Variants in SDK1 observed in about 807,000 individuals in gnomAD.
SDK1 encodes sidekick cell adhesion molecule 1, also known as protein sidekick-1.
A neutral mutation model predicts 245.5 loss-of-function variants in SDK1; 157 were observed. The ratio of observed to expected loss-of-function variants is 0.64; its 90% confidence interval spans 0.56 to 0.73. The LOEUF (loss-of-function observed/expected upper bound fraction) is 0.73, where lower values mean the gene tolerates loss of function less well. Ranked by LOEUF, SDK1 falls within the 30% of genes least tolerant of loss-of-function variation. The pLI is 0.00. For synonymous variants in SDK1, 1,647 were observed against 1,278.5 expected (o/e 1.29, Z -6.15); for missense variants, 3,583 against 3,002.3 (o/e 1.19, Z -4.52).
At chr7:4,169,435 C>T (rs577052786) in intron 32 of SDK1, among the ~76,000 whole-genome samples, 1 of 152,210 alleles carries the variant, frequency 6.6e-6, no homozygotes, top group African/African-American at 2.4e-5. Context: ...AGGCACTGTG[C>T]CCGCCTTGCA....
chr7:4,224,732 G>A, intron 40 of SDK1, among the ~76,000 whole-genome samples: 1 of 152,150 alleles, frequency 6.6e-6, no homozygotes, highest in East Asian at 1.9e-4. Context: ...TGTAATCCCA[G>A]CACTTTGGGA....
At chr7:4,023,385 A>G (rs551127996) in intron 17 of SDK1, among the ~76,000 whole-genome samples, 50 of 152,312 alleles carry the variant, frequency 3.3e-4, no homozygotes, top group Non-Finnish European at 5.1e-4. Flanking sequence ...GTTTCAGCCA[A>G]GTGAACTTTC....
chr7:3,969,466 G>A, intron 11 of SDK1, 42 bp downstream of exon 11: 1 of 1,462,000 alleles, frequency 6.8e-7, no homozygotes, highest in Non-Finnish European at 9.2e-7. Context: ...GTTAGCCACG[G>A]TTTAATCATC....
chr7:3,428,277 A>G (rs1779732610), intron 1 of SDK1, among the ~76,000 whole-genome samples: 1 of 152,202 alleles, frequency 6.6e-6, no homozygotes, highest in African/African-American at 2.4e-5. Context: ...ATTATTGATT[A>G]ATTTATCATA....
At chr7:3,598,468 C>A (rs1386506799) in intron 1 of SDK1, among the ~76,000 whole-genome samples, 1 of 152,016 alleles carries the variant, frequency 6.6e-6, no homozygotes, top group African/African-American at 2.4e-5. Context: ...TCCCGTGTAC[C>A]CATGTAGACT....
At chr7:3,491,738 C>T (rs926347670) in intron 1 of SDK1, among the ~76,000 whole-genome samples, 15 of 152,140 alleles carry the variant, frequency 9.9e-5, no homozygotes, top group African/African-American at 3.1e-4. Flanking sequence ...CCGAGTGTTA[C>T]GGCTTTTTAA....
Position 4,119,563 on chromosome 7 carries a change from A to G in SDK1, c.3823+5289A>G, listed in dbSNP as rs140205423. ...TTACCCTCAGGGAAAACAGTGATCA[A>G]CTCTTCCTGAAATAGTTACATATCA... On this transcript the variant is annotated intron_variant, in intron 25 of 44. Transcript: ENST00000404826. 4.1e-4 allele frequency among the ~76,000 whole-genome samples: 61 copies of G among 148,496 alleles called. 7 individuals are homozygous for G. The highest frequency in any genetic ancestry group is 1.4e-3 in the African/African-American group (56 of 40,696).
At chr7:3,361,368 C>A (rs748514744) in intron 1 of SDK1, among the ~76,000 whole-genome samples, 3 of 152,172 alleles carry the variant, frequency 2.0e-5, no homozygotes, top group Non-Finnish European at 4.4e-5. Flanking sequence ...GTTCCTTGTT[C>A]TTCTATTCCA....
intron 13 of SDK1, among the ~76,000 whole-genome samples, chr7:3,985,134 TG>T (rs1001860507): frequency 6.6e-6 from 1 of 151,716 alleles, no homozygotes; most frequent in African/African-American, 2.4e-5. Flanking sequence ...AGACCCATCC[TG>T]GAAGGATCTT....
intron 4 of SDK1, among the ~76,000 whole-genome samples, chr7:3,668,499 G>A (rs1469616379): frequency 6.6e-6 from 1 of 152,218 alleles, no homozygotes; most frequent in Non-Finnish European, 1.5e-5. Flanking sequence ...CCTTGGGCCT[G>A]GTGCAGTGGC....
intron 4 of SDK1, among the ~76,000 whole-genome samples, chr7:3,669,169 G>C (rs1783621519): frequency 6.6e-6 from 1 of 152,202 alleles, no homozygotes; most frequent in African/African-American, 2.4e-5. Flanking sequence ...TAGTGTAAAT[G>C]AATGTTGAAT....
At chr7:3,666,791 A>C (rs1013589988) in intron 4 of SDK1, among the ~76,000 whole-genome samples, 1 of 152,234 alleles carries the variant, frequency 6.6e-6, no homozygotes, top group South Asian at 2.1e-4. Flanking sequence ...TAATGATGTC[A>C]GTGGTGAGAT....
intron 14 of SDK1, among the ~76,000 whole-genome samples, chr7:3,998,389 G>A (rs754505754): frequency 6.6e-6 from 1 of 152,250 alleles, no homozygotes; most frequent in Admixed American, 6.5e-5. Flanking sequence ...TGTTTATCAT[G>A]TAATACATTC....
intron 22 of SDK1, among the ~76,000 whole-genome samples, chr7:4,094,417 C>A (rs1408088055): frequency 1.3e-5 from 2 of 152,178 alleles, no homozygotes; most frequent in South Asian, 4.1e-4. Flanking sequence ...GTGGGATTGC[C>A]CTTCCACAGA....
rs771484025 is a variant in SDK1, at chr7:3,959,030, C to T, written c.1234+16C>T. The T allele has an allele frequency of 1.9e-6, 3 of 1,595,974 alleles. No individual in the cohort carries two copies. Among genetic ancestry groups the T allele is most frequent in the East Asian group, 2.2e-5 (1 of 44,798 alleles). On this transcript the variant is annotated intron_variant, in intron 8 of 44. Transcript: ENST00000404826. ...CAAGCCATGGGTGAGTGCAGAGTGG[C>T]TGCTGGACAAGGAGCCATGACTGGG...
intron 19 of SDK1, among the ~76,000 whole-genome samples, chr7:4,054,871 T>C (rs1255883501): frequency 1.3e-5 from 2 of 152,246 alleles, no homozygotes; most frequent in African/African-American, 2.4e-5. Flanking sequence ...ATCTGGTTTT[T>C]CTTCTTAGCT....
At chr7:3,599,506 A>T (rs1281733739) in intron 1 of SDK1, among the ~76,000 whole-genome samples, 2 of 152,114 alleles carry the variant, frequency 1.3e-5, no homozygotes, top group East Asian at 3.8e-4. Context: ...TCTTTTGTGC[A>T]TTATGCTTTT....
intron 12 of SDK1, among the ~76,000 whole-genome samples, chr7:3,972,690 A>G (rs1445421691): frequency 1.3e-5 from 2 of 152,164 alleles, no homozygotes; most frequent in African/African-American, 4.8e-5. Flanking sequence ...TCTCACCCCG[A>G]GCAGAGGGGA....
At chr7:4,159,277 T>G (rs1780967794) in intron 31 of SDK1, among the ~76,000 whole-genome samples, 1 of 152,222 alleles carries the variant, frequency 6.6e-6, no homozygotes, top group African/African-American at 2.4e-5. Flanking sequence ...CCCTGTGACC[T>G]CACATCTCCA....
Sources: gnomAD v4.1 joint callset for allele counts (sites outside exome capture counted in the v4.1 genomes callset) on GRCh38, gnomAD v4.1.1 for gene constraint, MANE v1.5 for transcripts, NCBI Gene and HGNC (gene_info 2026-07-23, HGNC 2026-07-21) for gene names.